Variants in MGAT3 observed in about 807,000 individuals in gnomAD.
MGAT3 encodes the protein beta-1,4-mannosyl-glycoprotein 4-beta-N-acetylglucosaminyltransferase.
MGAT3 carries 9 observed loss-of-function variants against 29.8 expected under a neutral mutation model. The ratio of observed to expected loss-of-function variants is 0.30; its 90% CI spans 0.18 to 0.53. The LOEUF (loss-of-function observed/expected upper bound fraction) is 0.53. MGAT3 is among the 20% of genes least tolerant of loss of function. The probability of loss-of-function intolerance (pLI) is 0.96; values close to 1 mark genes in which losing one functional copy is unlikely to be tolerated. For missense variants in MGAT3, 557 were observed against 769.5 expected, an observed-to-expected ratio of 0.72 and a Z score of 3.27; for synonymous variants, 397 against 348.9, an observed-to-expected ratio of 1.14 and a Z score of -1.54.
At chr22:39,484,562 AG>A (rs1292792712) in intron 1 of MGAT3, among the ~76,000 whole-genome samples, 1 of 151,900 alleles carries the variant, frequency 6.6e-6, no homozygotes, top group Non-Finnish European at 1.5e-5. Flanking sequence ...TAGTAGTGAC[AG>A]GGTTTCACAA....
At chr22:39,481,148 G>A (rs1412634853) in intron 1 of MGAT3, among the ~76,000 whole-genome samples, 1 of 152,076 alleles carries the variant, frequency 6.6e-6, no homozygotes, top group Non-Finnish European at 1.5e-5. Context: ...CACTTGCTCC[G>A]TCCCACCCGC....
chr22:39,471,582 C>T lies in MGAT3; in HGVS notation c.-2+14025C>T, dbSNP rs149245255. Among the ~76,000 whole-genome samples the T allele has an allele frequency of 5.5e-3, 834 of 152,078 alleles. 6 individuals carry two copies. The highest frequency in any genetic ancestry group is 0.019 in the African/African-American group (783 of 41,448). On this transcript the variant is annotated intron_variant, in intron 1 of 1. Coordinates refer to ENST00000341184, the MANE Select transcript of MGAT3 (RefSeq NM_002409.5). ...GCCCCCACTCCTACCCCCGCCCTTC[C>T]GGCCATCAGTCCTTGCCGGCCTTCC...
intron 1 of MGAT3, among the ~76,000 whole-genome samples, chr22:39,473,373 C>T (rs945251455): frequency 3.3e-5 from 5 of 152,176 alleles, no homozygotes; most frequent in Admixed American, 2.0e-4. Context: ...CAGGGCTGAC[C>T]GCATGCAGTT....
intron 1 of MGAT3, among the ~76,000 whole-genome samples, chr22:39,474,650 G>A (rs1355675690): frequency 6.6e-6 from 1 of 152,192 alleles, no homozygotes; most frequent in Non-Finnish European, 1.5e-5. Context: ...CCCTGCAGAG[G>A]GGACCCTTTT....
chr22:39,475,132 T>C (rs1447900862), intron 1 of MGAT3, among the ~76,000 whole-genome samples: 1 of 68,018 alleles, frequency 1.5e-5, no homozygotes, highest in Middle Eastern at 0.01. Flanking sequence ...GCCAGGCTTT[T>C]TTTTTTTTTT....
chr22:39,463,773 AG>A (rs1316703442), intron 1 of MGAT3, among the ~76,000 whole-genome samples: 1 of 151,812 alleles, frequency 6.6e-6, no homozygotes, highest in Non-Finnish European at 1.5e-5. Flanking sequence ...AAAATTAGGC[AG>A]GTATGGTGGC....
intron 1 of MGAT3, among the ~76,000 whole-genome samples, chr22:39,478,629 C>A (rs140719601): frequency 6.6e-6 from 1 of 152,300 alleles, no homozygotes; most frequent in African/African-American, 2.4e-5. Flanking sequence ...CCACAGGAGC[C>A]GCCCTTCACC....
chr22:39,469,440 G>A (rs774254911), intron 1 of MGAT3, among the ~76,000 whole-genome samples: 1 of 152,158 alleles, frequency 6.6e-6, no homozygotes, highest in African/African-American at 2.4e-5. Context: ...TCTGCACCTC[G>A]CTGTCCCTCA....
Position 39,488,644 on chromosome 22 carries a change from G to C in MGAT3, c.1297G>C (p.Val433Leu). ...FTPEGIYFKL[V>L]SAQNGDFPRW... ...GCCCGAGGGCATCTACTTCAAGCTCGTGTCCGCCCAGAATGGCGACTTCCC... is the reference window on the plus strand; with the variant it reads ...GCCCGAGGGCATCTACTTCAAGCTCCTGTCCGCCCAGAATGGCGACTTCCC... Residue 433 changes from valine to leucine, a missense_variant, in exon 2 of 2, where the codon GTG becomes CTG. By Grantham distance (32) the Val-to-Leu change is conservative (BLOSUM62 1). Around this residue, in one of 3 missense-constraint regions of MGAT3, gnomAD observed 243 missense variants for 444.0 expected, o/e 0.55. Coordinates refer to ENST00000341184, the MANE Select transcript of MGAT3 (RefSeq NM_002409.5). 1.2e-6 allele frequency: 2 copies of C among 1,613,580 alleles called. No individual in the cohort carries two copies. The highest frequency in any genetic ancestry group is 1.7e-6 in the Non-Finnish European group (2 of 1,180,000).
intron 1 of MGAT3, chr22:39,477,471 A>G (rs1645699376): frequency 6.6e-6 from 1 of 152,084 alleles, no homozygotes; most frequent in Admixed American, 6.6e-5. Flanking sequence ...AAGGAAATAA[A>G]GCCGGTCAGG....
rs79607602 is a variant in MGAT3 at position 39,464,458 on chromosome 22, G to T, written c.-2+6901G>T. 2.9e-3 allele frequency among the ~76,000 whole-genome samples: 422 copies of T among 147,454 alleles called. 1 individual carries two copies. The highest frequency in any genetic ancestry group is 0.01 in the African/African-American group (405 of 40,074). On this transcript the variant is annotated intron_variant, in intron 1 of 1. Coordinates refer to ENST00000341184, the MANE Select transcript of MGAT3 (RefSeq NM_002409.5). ...CATATTTCTTGTCTTTTTTTTTTTT[G>T]AGACGGAGTTTCACTGTGTCACCCA...
At position 39,491,829 on chromosome 22, in the gene MGAT3, C is replaced by G. The variant is rs1327719192; in HGVS notation, c.*2880C>G. The G allele has an allele frequency of 6.0e-6, 1 of 167,066 alleles. No homozygotes were observed. The highest frequency in any genetic ancestry group is 1.9e-4 in the East Asian group (1 of 5,238). 10.3% of individuals were successfully genotyped at this position (167,066 alleles called of 1,614,324 possible). A position where few individuals can be genotyped will look rare whatever the true frequency, so the allele number is the denominator to read the frequency against. On this transcript the variant is annotated 3_prime_UTR_variant, in exon 2 of 2. Transcript: ENST00000341184. The surrounding 1 kb of genome is among the most constrained non-coding windows in gnomAD (Gnocchi z 5.5). ...TGCCATGTCCCATGTCCACCTTTCT[C>G]CCCGGGAATAACTGGCCCTGAGACC...
chr22:39,467,085 T>C (rs1183475505), intron 1 of MGAT3, among the ~76,000 whole-genome samples: 1 of 152,232 alleles, frequency 6.6e-6, no homozygotes, highest in Non-Finnish European at 1.5e-5. Context: ...GCTACATGTG[T>C]ATGCACACAG....
intron 1 of MGAT3, among the ~76,000 whole-genome samples, chr22:39,469,272 C>T (rs1395536006): frequency 6.6e-6 from 1 of 152,086 alleles, no homozygotes; most frequent in Non-Finnish European, 1.5e-5. Flanking sequence ...TGGTGCCAGG[C>T]TTGAGTCACA....
Position 39,487,291 on chromosome 22 carries a change from C to T in MGAT3, c.-1-56C>T, listed in dbSNP as rs1929301449. ...AGCAGAGGCCTCCTAGGTCCCCTTC[C>T]TAGGAAAGGAGCCTGGGCTGCCCTG... On this transcript the variant is annotated intron_variant, in intron 1 of 1. Coordinates refer to ENST00000341184, the MANE Select transcript of MGAT3 (RefSeq NM_002409.5). The surrounding 1 kb of genome is among the most constrained non-coding windows in gnomAD (Gnocchi z 5.7). 3 of 1,545,422 alleles carry T rather than the reference C, an allele frequency of 1.9e-6. No individual in the cohort carries two copies. Among genetic ancestry groups the T allele is most frequent in the Non-Finnish European group, 2.6e-6 (3 of 1,147,452 alleles).
chr22:39,458,167 G>A (rs1481276775), intron 1 of MGAT3, among the ~76,000 whole-genome samples: 1 of 152,238 alleles, frequency 6.6e-6, no homozygotes, highest in African/African-American at 2.4e-5. Flanking sequence ...GGGCGGGGGA[G>A]GGAACCTGGC....
In MGAT3 at chr22:39,457,199, G is replaced by A. The variant is rs1231039036; in HGVS notation, c.-360G>A. On this transcript the variant is annotated 5_prime_UTR_variant, in exon 1 of 2. Transcript: ENST00000341184. This position sits in a 1 kb window ranked among gnomAD's most constrained non-coding sequence, Gnocchi z 6.8. ...GGGGCCGGAGCCGCTTGAGCCGGCGGGAGCGGGCACCCCTGCGCGCCGCGC... is the reference window on the plus strand; with the variant it reads ...GGGGCCGGAGCCGCTTGAGCCGGCGAGAGCGGGCACCCCTGCGCGCCGCGC... The A allele has an allele frequency of 6.9e-6, 1 of 144,852 alleles. No homozygotes were observed. Among genetic ancestry groups the A allele is most frequent in the African/African-American group, 2.5e-5 (1 of 40,414 alleles). The allele number at this position is 144,852 out of a possible 1,614,324, so 9.0% of individuals were successfully genotyped here.
At position 39,487,745 on chromosome 22, in the gene MGAT3, CGGA is replaced by C; in HGVS notation, c.403_405del (p.Glu135del). ...CTGGAGAGGCCGCCCCCGGGACGGC[CGGA>C]GGAGAAGCCTGAGGGGGCCAACGGC... On this transcript the variant is annotated inframe_deletion, in exon 2 of 2. Transcript: ENST00000341184. This position sits in a 1 kb window ranked among gnomAD's most constrained non-coding sequence, Gnocchi z 5.7. The C allele has an allele frequency of 6.5e-7, 1 of 1,535,740 alleles. No homozygotes were observed. Among genetic ancestry groups the C allele is most frequent in the Non-Finnish European group, 8.7e-7 (1 of 1,144,450 alleles).
Position 39,457,453 on chromosome 22 carries a change from C to T in MGAT3, c.-106C>T, listed in dbSNP as rs1928364316. ...GCTGCCGCCGGAGCCCGGGATGGGG[C>T]GAGAGGCTGCGGCGGACGCCAGCAT... On this transcript the variant is annotated 5_prime_UTR_variant, in exon 1 of 2. An upstream open reading frame in the 5' UTR gains an earlier in-frame stop. Coordinates refer to ENST00000341184, the MANE Select transcript of MGAT3 (RefSeq NM_002409.5). This position sits in a 1 kb window ranked among gnomAD's most constrained non-coding sequence, Gnocchi z 6.8. 1 of 148,042 alleles carries T rather than the reference C, an allele frequency of 6.8e-6. No homozygotes were observed. The highest frequency in any genetic ancestry group is 1.5e-5 in the Non-Finnish European group (1 of 66,152). The allele number at this position is 148,042 out of a possible 1,614,324, so 9.2% of individuals were successfully genotyped here.
Sources: gnomAD v4.1 joint callset for allele counts (sites outside exome capture counted in the v4.1 genomes callset) on GRCh38, gnomAD v4.1.1 for gene constraint, gnomAD v4.1.1 regional missense constraint, Gnocchi (gnomAD v3.1) non-coding constraint, MANE v1.5 for transcripts, NCBI Gene and HGNC (gene_info 2026-07-23, HGNC 2026-07-21) for gene names.